PATJ: variants seen among roughly 807,000 people sequenced by gnomAD.
The protein encoded by PATJ is inaD-like protein.
PATJ carries 190 observed loss-of-function variants against 224.9 expected under a neutral mutation model. The observed-to-expected ratio is 0.84, with a 90% CI of 0.75 to 0.95. The LOEUF (loss-of-function observed/expected upper bound fraction) is 0.95. PATJ is among the 40% of genes least tolerant of loss of function. PATJ has a pLI of 0.00. For missense variants in PATJ, 2,121 were observed against 2,270.3 expected (o/e 0.93, Z 1.34); for synonymous variants, 769 against 820.3 (o/e 0.94, Z 1.07).
chr1:62,015,805 C>T (rs947807043), intron 28 of PATJ, among the ~76,000 whole-genome samples: 10 of 152,234 alleles, frequency 6.6e-5, no homozygotes, highest in Non-Finnish European at 1.0e-4. Context: ...GTAGCTGGGA[C>T]GATAGACATG....
At chr1:61,944,003 G>A (rs975854549) in intron 27 of PATJ, among the ~76,000 whole-genome samples, 1 of 152,094 alleles carries the variant, frequency 6.6e-6, no homozygotes, top group Non-Finnish European at 1.5e-5. Flanking sequence ...TGCAGCTGAG[G>A]GTCCTGACTG....
At chr1:62,088,435 T>G (rs930603769) in intron 33 of PATJ, among the ~76,000 whole-genome samples, 4 of 152,156 alleles carry the variant, frequency 2.6e-5, no homozygotes, top group Non-Finnish European at 4.4e-5. Context: ...CTACCTCCTC[T>G]AAGCCACTCT....
At chr1:62,017,802 C>T (rs567155915) in intron 28 of PATJ, 54 bp from the exon 29 acceptor site, 26 of 797,156 alleles carry the variant, frequency 3.3e-5, no homozygotes, top group Middle Eastern at 2.4e-4. Flanking sequence ...CAAGTATATA[C>T]ATATATACTT....
chr1:61,764,554 T>C (rs1225290721), intron 3 of PATJ, among the ~76,000 whole-genome samples: 1 of 152,134 alleles, frequency 6.6e-6, no homozygotes, highest in East Asian at 1.9e-4. Context: ...ACTTGAATAG[T>C]AGCTATACCA....
In PATJ at chr1:61,993,046, C is replaced by T. The variant is rs183389710; in HGVS notation, c.3867+2682C>T. Among the ~76,000 whole-genome samples, 16 of 152,268 alleles carry T rather than the reference C, an allele frequency of 1.1e-4. No individual in the cohort carries two copies. The East Asian group carries it at 3.1e-3, about 29-fold the overall frequency. On this transcript the variant is annotated intron_variant, in intron 28 of 43. Coordinates refer to ENST00000642238, the MANE Select transcript of PATJ (RefSeq NM_001350145.3). ...GACACTAGGTACCTGGAGACAGCGT[C>T]AGTCCCACAAGTTAAGGGCTCAGTC...
chr1:61,833,583 C>A, intron 16 of PATJ, 71 bp from the exon 17 acceptor site: 1 of 1,411,118 alleles, frequency 7.1e-7, no homozygotes, highest in Non-Finnish European at 9.5e-7. Flanking sequence ...CTGTGAGATT[C>A]TTGATGTGTG....
intron 27 of PATJ, among the ~76,000 whole-genome samples, chr1:61,947,200 G>A (rs1297431187): frequency 6.6e-6 from 1 of 152,168 alleles, no homozygotes; most frequent in Non-Finnish European, 1.5e-5. Flanking sequence ...TCAATATAGT[G>A]TTAGAAGTTC....
At chr1:62,103,462 AT>A (rs1298476067) in intron 33 of PATJ, among the ~76,000 whole-genome samples, 1 of 152,216 alleles carries the variant, frequency 6.6e-6, no homozygotes, top group Admixed American at 6.5e-5. Context: ...GCTATTAAAA[AT>A]ATTACCTGGC....
chr1:62,012,446 A>G (rs2148337063), intron 28 of PATJ, among the ~76,000 whole-genome samples: 1 of 152,278 alleles, frequency 6.6e-6, no homozygotes, highest in African/African-American at 2.4e-5. Context: ...AGTTAACCTA[A>G]TAGACTTCCA....
rs1444552272 is a variant in PATJ at position 62,048,500 on chromosome 1, C to A, written c.4033-2466C>A. Reference sequence around the variant, plus strand: ...GGCAGAAGTTGCAGTAAGCCGAGATCGTGCCACTGCATTCTAGCCTGGGCG... The same window carrying A: ...GGCAGAAGTTGCAGTAAGCCGAGATAGTGCCACTGCATTCTAGCCTGGGCG... On this transcript the variant is annotated intron_variant, in intron 30 of 43. Transcript: ENST00000642238. Among the ~76,000 whole-genome samples the A allele has an allele frequency of 2.3e-5, 3 of 128,882 alleles. No homozygotes were observed. The East Asian group carries it at 7.6e-4, about 33-fold the overall frequency. 84.6% of individuals were successfully genotyped at this position (128,882 alleles called of 152,430 possible). A position where few individuals can be genotyped will look rare whatever the true frequency, so the allele number is the denominator to read the frequency against.
At chr1:61,843,719 C>CAAAA (rs60980933) in intron 17 of PATJ, among the ~76,000 whole-genome samples, 3 of 109,904 alleles carry the variant, frequency 2.7e-5, no homozygotes, top group African/African-American at 6.3e-5. Flanking sequence ...GATCAGGTCT[C>CAAAA]AAAAAAAAAA....
At chr1:61,920,026 A>AT (rs1016499459) in intron 26 of PATJ, among the ~76,000 whole-genome samples, 2 of 151,962 alleles carry the variant, frequency 1.3e-5, no homozygotes, top group Non-Finnish European at 2.9e-5. Context: ...ATACTTACTG[A>AT]TTTTTTTTGT....
chr1:61,756,162 A>G (rs1196535757), intron 1 of PATJ, among the ~76,000 whole-genome samples: 1 of 152,186 alleles, frequency 6.6e-6, no homozygotes, highest in African/African-American at 2.4e-5. Flanking sequence ...CTAAATGTTC[A>G]TTCCCAATTT....
At chr1:62,104,743 C>G (rs1157353616) in intron 33 of PATJ, among the ~76,000 whole-genome samples, 1 of 152,152 alleles carries the variant, frequency 6.6e-6, no homozygotes, top group African/African-American at 2.4e-5. Flanking sequence ...GTGATCTCAG[C>G]TCACTGCAGC....
chr1:61,797,196 A>G lies in PATJ; in HGVS notation c.1261-91A>G. 5.0e-6 allele frequency: 7 copies of G among 1,391,210 alleles called. No individual in the cohort carries two copies. The South Asian group carries it at 8.0e-5, about 16-fold the overall frequency. 86.2% of individuals were successfully genotyped at this position (1,391,210 alleles called of 1,614,324 possible). A position where few individuals can be genotyped will look rare whatever the true frequency, so the allele number is the denominator to read the frequency against. On this transcript the variant is annotated intron_variant, in intron 10 of 43. Coordinates refer to ENST00000642238, the MANE Select transcript of PATJ (RefSeq NM_001350145.3). ...GCCTAAATAATTTATTTTTGGAATGAAAGAAATTGCCTCATTTTATTCAGT... is the reference window on the plus strand; with the variant it reads ...GCCTAAATAATTTATTTTTGGAATGGAAGAAATTGCCTCATTTTATTCAGT...
chr1:61,844,785 T>G (rs1372336600), intron 17 of PATJ, among the ~76,000 whole-genome samples: 1 of 152,200 alleles, frequency 6.6e-6, no homozygotes, highest in East Asian at 1.9e-4. Context: ...CTTATGATAA[T>G]GAGTGAGTTC....
intron 34 of PATJ, among the ~76,000 whole-genome samples, chr1:62,113,781 C>T (rs751393994): frequency 6.6e-6 from 1 of 152,216 alleles, no homozygotes; most frequent in African/African-American, 2.4e-5. Flanking sequence ...ACTCTCCTGT[C>T]TCTTTCATTG....
chr1:62,097,722 A>T (rs1661566798), intron 33 of PATJ, among the ~76,000 whole-genome samples: 1 of 152,250 alleles, frequency 6.6e-6, no homozygotes, highest in Non-Finnish European at 1.5e-5. Flanking sequence ...GTAAACAAAT[A>T]AATAGTTGTT....
At chr1:61,862,454 C>T (rs1570956653) in intron 19 of PATJ, among the ~76,000 whole-genome samples, 1 of 152,244 alleles carries the variant, frequency 6.6e-6, no homozygotes, top group African/African-American at 2.4e-5. Flanking sequence ...ACCTCGGCCT[C>T]CCGAAGTGCT....
Sources: allele counts gnomAD v4.1 joint callset (sites outside exome capture counted in the v4.1 genomes callset), GRCh38; gene constraint gnomAD v4.1.1; transcripts MANE v1.5; gene names NCBI Gene and HGNC (gene_info 2026-07-23, HGNC 2026-07-21).